LEF1: variants seen among roughly 807,000 people sequenced by gnomAD.
The protein encoded by LEF1 is lymphoid enhancer-binding factor 1.
Under a neutral mutation model 51.2 loss-of-function variants are expected in LEF1, and 14 were observed. The observed-to-expected ratio is 0.27, with a 90% CI of 0.18 to 0.43. LEF1 has a LOEUF of 0.43. LEF1 is among the 20% of genes least tolerant of loss of function. The pLI is 1.00. For synonymous variants in LEF1, 185 were observed against 183.2 expected, an observed-to-expected ratio of 1.01 and a Z score of -0.08; for missense variants, 386 against 512.0, an observed-to-expected ratio of 0.75 and a Z score of 2.37.
intron 6 of LEF1, among the ~76,000 whole-genome samples, chr4:108,080,590 G>T (rs1483286946): frequency 6.6e-6 from 1 of 152,106 alleles, no homozygotes; most frequent in Non-Finnish European, 1.5e-5. Context: ...TGTATTACTT[G>T]CAAAAATACA....
At chr4:108,070,119 A>G (rs1046160621) in intron 9 of LEF1, among the ~76,000 whole-genome samples, 6 of 152,184 alleles carry the variant, frequency 3.9e-5, no homozygotes, top group African/African-American at 1.4e-4. Context: ...AACAATAGGA[A>G]GCAACTTAAA....
At chr4:108,066,491 C>T (rs1026885585) in intron 9 of LEF1, among the ~76,000 whole-genome samples, 1 of 152,196 alleles carries the variant, frequency 6.6e-6, no homozygotes, top group Non-Finnish European at 1.5e-5. Flanking sequence ...CTATAATGGG[C>T]TCTGTCCCCA....
intron 3 of LEF1, among the ~76,000 whole-genome samples, chr4:108,125,860 A>G (rs1302682847): frequency 5.3e-5 from 8 of 152,166 alleles, no homozygotes; most frequent in Non-Finnish European, 2.9e-5. Flanking sequence ...ATGGATCCTA[A>G]AAAGTAAATG....
At chr4:108,100,338 T>C (rs1457355386) in intron 3 of LEF1, among the ~76,000 whole-genome samples, 2 of 152,168 alleles carry the variant, frequency 1.3e-5, no homozygotes, top group Non-Finnish European at 1.5e-5. Flanking sequence ...TAAAAGACTT[T>C]CAATTCTATT....
At chr4:108,101,886 C>G (rs372062868) in intron 3 of LEF1, among the ~76,000 whole-genome samples, 1 of 152,038 alleles carries the variant, frequency 6.6e-6, no homozygotes, top group African/African-American at 2.4e-5. Context: ...CATGGAGAAA[C>G]CCCATCTCTG....
At chr4:108,133,131 G>A (rs1743009613) in intron 3 of LEF1, among the ~76,000 whole-genome samples, 1 of 151,948 alleles carries the variant, frequency 6.6e-6, no homozygotes, top group Non-Finnish European at 1.5e-5. Context: ...ACACCACCAT[G>A]CCTGGCTAAT....
At chr4:108,136,465 CTT>C (rs3034771) in intron 3 of LEF1, among the ~76,000 whole-genome samples, 9,164 of 140,712 alleles carry the variant, frequency 0.065, 700 homozygotes, top group African/African-American at 0.19. Context: ...CTTAAATTTC[CTT>C]TTTTTTTTTT....
chr4:108,060,014 C>T (rs923269102), intron 11 of LEF1, among the ~76,000 whole-genome samples: 1 of 152,142 alleles, frequency 6.6e-6, no homozygotes, highest in Non-Finnish European at 1.5e-5. Context: ...AAGTATTTTA[C>T]TATTTCTAAG....
At chr4:108,064,754 C>A (rs1027542833) in intron 9 of LEF1, among the ~76,000 whole-genome samples, 16 of 151,970 alleles carry the variant, frequency 1.1e-4, no homozygotes, top group Admixed American at 3.3e-4. Context: ...CACATACACA[C>A]ACACGGATAA....
intron 8 of LEF1, among the ~76,000 whole-genome samples, chr4:108,076,337 C>G (rs998943587): frequency 1.3e-5 from 2 of 152,164 alleles, no homozygotes; most frequent in East Asian, 3.8e-4. Flanking sequence ...GAGGCCCTAA[C>G]AATGATTTAT....
At chr4:108,139,946 C>T (rs955407415) in intron 3 of LEF1, among the ~76,000 whole-genome samples, 8 of 151,950 alleles carry the variant, frequency 5.3e-5, no homozygotes, top group Admixed American at 5.2e-4. Context: ...GATTTCTTAC[C>T]TCAAAAAGAA....
Position 108,163,656 on chromosome 4 carries a change from G to C in LEF1, c.326C>G (p.Ser109Trp), listed in dbSNP as rs777997623. 1 of 1,613,878 alleles carries C rather than the reference G, an allele frequency of 6.2e-7. No homozygotes were observed. Among genetic ancestry groups the C allele is most frequent in the South Asian group, 1.1e-5 (1 of 91,050 alleles). Residue 109 changes from serine (S) to tryptophan (W), a missense_variant, in exon 3 of 12, where the codon TCG (serine) becomes TGG (tryptophan). Coordinates refer to ENST00000265165, the MANE Select transcript of LEF1 (RefSeq NM_016269.5). ...GGLYNKGPSY[S>W]SYSGYIMMPN... is the part of the protein sequence containing the mutation. Reference sequence around the variant, plus strand: ...CATCATTATGTACCCGGAATAACTCGAGTAGGAGGGTCCCTTGTTGTAGAG... The same window carrying C: ...CATCATTATGTACCCGGAATAACTCCAGTAGGAGGGTCCCTTGTTGTAGAG...
At chr4:108,145,656 T>A (rs1743953196) in intron 3 of LEF1, among the ~76,000 whole-genome samples, 1 of 152,184 alleles carries the variant, frequency 6.6e-6, no homozygotes, top group Non-Finnish European at 1.5e-5. Flanking sequence ...GGAAAAGAAA[T>A]GAAGCTGTGA....
chr4:108,081,562 G>C, intron 6 of LEF1, 24 bp downstream of exon 6: 1 of 1,595,548 alleles, frequency 6.3e-7, no homozygotes, highest in Non-Finnish European at 8.6e-7. Context: ...GTCCTCGAGC[G>C]CCCCAGTTTC....
chr4:108,167,762 G>A lies in LEF1; in HGVS notation c.6C>T (p.Pro2=). Residue 2 remains proline (P), a synonymous_variant, in exon 1 of 12, where the codon CCC becomes CCT. Transcript: ENST00000265165. The surrounding 1 kb of genome is among the most constrained non-coding windows in gnomAD (Gnocchi z 5.7). M[P]QLSGGGGGGG... is the part of the protein sequence containing the mutation. ...CGCCGCCACCTCCTCCGGAGAGTTG[G>A]GGCATCCCGGCGGCTCTGTAATCTC... 6.2e-7 allele frequency: 1 copy of A among 1,612,292 alleles called. No homozygotes were observed. Among genetic ancestry groups the A allele is most frequent in the Non-Finnish European group, 8.5e-7 (1 of 1,179,924 alleles).
intron 3 of LEF1, among the ~76,000 whole-genome samples, chr4:108,157,179 T>TACACACACTC (rs1744774785): frequency 8.6e-6 from 1 of 116,740 alleles, no homozygotes; most frequent in African/African-American, 3.3e-5. Context: ...TATATATATA[T>TACACACACTC]ACACACACAC....
At chr4:108,065,496 T>C (rs1450243180) in intron 9 of LEF1, among the ~76,000 whole-genome samples, 1 of 152,060 alleles carries the variant, frequency 6.6e-6, no homozygotes. Flanking sequence ...TCTCAAAAAA[T>C]AATAACAATC....
intron 3 of LEF1, among the ~76,000 whole-genome samples, chr4:108,118,509 A>T (rs554310077): frequency 1.3e-5 from 2 of 152,258 alleles, no homozygotes; most frequent in Non-Finnish European, 2.9e-5. Context: ...AATGAATGAC[A>T]TGTGAAAAGA....
intron 10 of LEF1, 149 bp from the exon 11 acceptor site, chr4:108,063,812 G>A (rs1026597647): frequency 9.1e-6 from 5 of 552,008 alleles, no homozygotes; most frequent in Admixed American, 7.4e-5. Context: ...TACAAGTAGT[G>A]GCCTTATTTT....
Sources: allele counts gnomAD v4.1 joint callset (sites outside exome capture counted in the v4.1 genomes callset), GRCh38; gene constraint gnomAD v4.1.1; non-coding constraint Gnocchi (gnomAD v3.1); transcripts MANE v1.5; gene names NCBI Gene and HGNC (gene_info 2026-07-23, HGNC 2026-07-21).